The following CFAP43 variants were observed in gnomAD, a reference collection of about 807,000 sequenced individuals.
CFAP43 encodes cilia and flagella associated protein 43.
In CFAP43, 155 loss-of-function variants were observed where a neutral mutation model predicts 218.9. The ratio of observed to expected loss-of-function variants is 0.71; its 90% CI spans 0.62 to 0.81. The LOEUF (loss-of-function observed/expected upper bound fraction) is 0.81, where lower values mean the gene tolerates loss of function less well. Among genes scored for constraint, CFAP43 ranks in the 30% least tolerant of loss-of-function variants. The pLI is 0.00. For missense variants in CFAP43, 1,778 were observed against 1,954.3 expected, an observed-to-expected ratio of 0.91 and a Z score of 1.70; for synonymous variants, 645 against 681.3, an observed-to-expected ratio of 0.95 and a Z score of 0.83.
chr10:104,192,105 TTG>T, intron 12 of CFAP43, 92 bp downstream of exon 12: 1 of 915,390 alleles, frequency 1.1e-6, no homozygotes, highest in Non-Finnish European at 1.6e-6. Context: ...CCACAAATAA[TTG>T]TTTCAATATT....
At chr10:104,221,604 C>T (rs1462930423) in intron 3 of CFAP43, among the ~76,000 whole-genome samples, 2 of 152,168 alleles carry the variant, frequency 1.3e-5, no homozygotes, top group Admixed American at 6.5e-5. Context: ...AAACATATTT[C>T]TGTTGTTTAT....
rs1194311320 is a variant in CFAP43, at chr10:104,164,270, T to C, written c.3070A>G (p.Asn1024Asp). Reference sequence around the variant, plus strand: ...TTATATGCAGCGTCAAACTCATTATTGAAAACAGTTTTTACCTTGTAAATG... The same window carrying C: ...TTATATGCAGCGTCAAACTCATTATCGAAAACAGTTTTTACCTTGTAAATG... ...DIIYKVKTVF[N>D]NEFDAAYKQK... Residue 1024 changes from asparagine (N) to aspartate (D), a missense_variant, in exon 24 of 38, where the codon AAT (asparagine) becomes GAT (aspartate). This residue lies in a region of CFAP43 where 1,553 missense variants were observed against 1,685.2 expected (regional missense o/e 0.92). Transcript: ENST00000357060. The C allele has an allele frequency of 6.2e-7, 1 of 1,609,128 alleles. No homozygotes were observed. The highest frequency in any genetic ancestry group is 8.5e-7 in the Non-Finnish European group (1 of 1,176,986).
In CFAP43 at chr10:104,164,106, CACA is replaced by C. The variant is rs1274561890; in HGVS notation, c.3231_3233del (p.Val1078del). ...AGCTAGCCAGTACCTCCTCATCTTG[CACA>C]ACAAGCGTTCTCTCTGGCTTCTCAC... On this transcript the variant is annotated inframe_deletion, in exon 24 of 38. Coordinates refer to ENST00000357060, the MANE Select transcript of CFAP43 (RefSeq NM_025145.7). 1 of 1,614,036 alleles carries C rather than the reference CACA, an allele frequency of 6.2e-7. No homozygotes were observed. The highest frequency in any genetic ancestry group is 8.5e-7 in the Non-Finnish European group (1 of 1,180,024).
chr10:104,165,266 T>A (rs2089095321), intron 23 of CFAP43, among the ~76,000 whole-genome samples: 1 of 152,228 alleles, frequency 6.6e-6, no homozygotes, highest in African/African-American at 2.4e-5. Context: ...TTAGTCTATG[T>A]CTATCCTACT....
At chr10:104,145,753 C>A (rs2087935057) in intron 30 of CFAP43, among the ~76,000 whole-genome samples, 189 bp from the exon 31 acceptor site, 1 of 152,182 alleles carries the variant, frequency 6.6e-6, no homozygotes, top group African/African-American at 2.4e-5. Flanking sequence ...TGATAAGAAG[C>A]ATCTAAGTGT....
At chr10:104,208,296 C>G (rs2090756678) in intron 5 of CFAP43, among the ~76,000 whole-genome samples, 1 of 152,082 alleles carries the variant, frequency 6.6e-6, no homozygotes, top group African/African-American at 2.4e-5. Context: ...ACAATAGGAT[C>G]AAAATCTTAA....
chr10:104,157,779 A>T (rs1657337), intron 27 of CFAP43, among the ~76,000 whole-genome samples: 7,286 of 95,042 alleles, frequency 0.077, 300 homozygotes, highest in African/African-American at 0.19. Context: ...TGTGTGTGAG[A>T]GAGAGAGAGA....
At chr10:104,191,479 C>G (rs1205271144) in intron 12 of CFAP43, among the ~76,000 whole-genome samples, 1 of 152,104 alleles carries the variant, frequency 6.6e-6, no homozygotes, top group Non-Finnish European at 1.5e-5. Flanking sequence ...CTCCGCACCC[C>G]CTGACCAGTG....
intron 18 of CFAP43, among the ~76,000 whole-genome samples, chr10:104,179,494 C>T (rs930237040): frequency 1.3e-5 from 2 of 152,196 alleles, no homozygotes; most frequent in Non-Finnish European, 2.9e-5. Context: ...AGCATCCCTT[C>T]CCCTGTTCCT....
intron 3 of CFAP43, among the ~76,000 whole-genome samples, chr10:104,221,409 C>G (rs1231509203): frequency 2.0e-5 from 3 of 152,072 alleles, no homozygotes; most frequent in South Asian, 4.1e-4. Flanking sequence ...GGGGAGTGAT[C>G]AGGTCAAGGG....
intron 4 of CFAP43, among the ~76,000 whole-genome samples, chr10:104,213,810 C>T (rs1202053200): frequency 1.3e-5 from 2 of 152,246 alleles, no homozygotes; most frequent in Admixed American, 1.3e-4. Context: ...GCTGGGACTA[C>T]AGGCGTGAGC....
intron 16 of CFAP43, among the ~76,000 whole-genome samples, chr10:104,183,413 C>T (rs1215673978): frequency 6.8e-6 from 1 of 146,318 alleles, no homozygotes; most frequent in Admixed American, 6.8e-5. Context: ...GACGGAGTCT[C>T]GCTCTGTCGC....
intron 34 of CFAP43, among the ~76,000 whole-genome samples, chr10:104,137,109 A>G (rs900685816): frequency 6.6e-6 from 1 of 152,228 alleles, no homozygotes; most frequent in Non-Finnish European, 1.5e-5. Flanking sequence ...CGATCCAGCA[A>G]TTCCACTTCT....
At chr10:104,149,563 A>G (rs564549856) in intron 28 of CFAP43, among the ~76,000 whole-genome samples, 128 of 152,362 alleles carry the variant, frequency 8.4e-4, no homozygotes, top group African/African-American at 3.0e-3. Context: ...TTTTTAAAAT[A>G]TCATAAATTC....
chr10:104,218,551 C>G (rs576546468), intron 3 of CFAP43, among the ~76,000 whole-genome samples: 1 of 151,858 alleles, frequency 6.6e-6, no homozygotes, highest in Admixed American at 6.6e-5. Context: ...AGAGTGGGCA[C>G]TAACATTTTT....
chr10:104,206,322 C>A (rs2090687396), intron 6 of CFAP43, among the ~76,000 whole-genome samples: 1 of 151,946 alleles, frequency 6.6e-6, no homozygotes, highest in Non-Finnish European at 1.5e-5. Flanking sequence ...AGATGAGGGA[C>A]AATGCAATGG....
At chr10:104,146,415 G>T (rs1447013650) in intron 29 of CFAP43, 66 bp from the exon 30 acceptor site, 2 of 1,227,760 alleles carry the variant, frequency 1.6e-6, no homozygotes, top group Non-Finnish European at 2.4e-6. Context: ...AAATATTGGG[G>T]ATACTAAAAA....
chr10:104,158,333 CCTT>C (rs1303467243), intron 27 of CFAP43, among the ~76,000 whole-genome samples: 1 of 152,096 alleles, frequency 6.6e-6, no homozygotes, highest in Non-Finnish European at 1.5e-5. Context: ...TCTGGAGAAA[CCTT>C]CTTTCCAGTG....
Position 104,161,111 on chromosome 10 carries a change from C to T in CFAP43, c.3466G>A (p.Glu1156Lys). The T allele has an allele frequency of 6.2e-7, 1 of 1,613,604 alleles. No homozygotes were observed. The highest frequency in any genetic ancestry group is 8.5e-7 in the Non-Finnish European group (1 of 1,179,746). Residue 1156 changes from glutamate to lysine, a missense_variant, in exon 27 of 38, where the codon GAA (glutamate) becomes AAA (lysine). Around this residue, in one of 3 missense-constraint regions of CFAP43, gnomAD observed 1,553 missense variants for 1,685.2 expected, o/e 0.92. Transcript: ENST00000357060. ...TAATCTTTGAATTGTTTTCTTTCTT[C>T]TTCAGTCCACACAGCATCAGGTTTT... ...MAKPDAVWTEEERKQFKDYEK... is the reference protein window; with the variant it reads ...MAKPDAVWTEKERKQFKDYEK...
Sources: gnomAD v4.1 joint callset for allele counts (sites outside exome capture counted in the v4.1 genomes callset) on GRCh38, gnomAD v4.1.1 for gene constraint, gnomAD v4.1.1 regional missense constraint, MANE v1.5 for transcripts, NCBI Gene and HGNC (gene_info 2026-07-23, HGNC 2026-07-21) for gene names.